The following PNPLA1 variants were observed in gnomAD, a reference collection of about 807,000 sequenced individuals.
PNPLA1 encodes the protein omega-hydroxyceramide transacylase.
In PNPLA1, 36 loss-of-function variants were observed where a neutral mutation model predicts 51.7. That is an observed-to-expected ratio of 0.70 (90% CI 0.53 to 0.92). PNPLA1 has a LOEUF of 0.92. Among genes scored for constraint, PNPLA1 ranks in the 40% least tolerant of loss-of-function variants. The pLI, the probability that PNPLA1 is intolerant of heterozygous loss-of-function variation, is 0.00. For missense variants in PNPLA1, 658 were observed against 682.5 expected (o/e 0.96, Z 0.40); for synonymous variants, 293 against 280.1 (o/e 1.05, Z -0.46).
intron 1 of PNPLA1, among the ~76,000 whole-genome samples, chr6:36,250,993 C>T (rs112931960): frequency 0.029 from 4,350 of 152,228 alleles, 101 homozygotes; most frequent in African/African-American, 0.061. Context: ...TGAGCCACAG[C>T]GCCCGGCCTG....
At position 36,270,355 on chromosome 6, in the gene PNPLA1, A is replaced by G. The variant is rs555216797; in HGVS notation, c.-105A>G. 128 of 1,180,622 alleles carry G rather than the reference A, an allele frequency of 1.1e-4. No homozygotes were observed. The African/African-American group carries it at 1.8e-3, about 16-fold the overall frequency. The allele number at this position is 1,180,622 out of a possible 1,614,324, so 73.1% of individuals were successfully genotyped here. ...GCCACATTCCAAGCTCCGGGGTGGC[A>G]GGGAAGCTGGGTAGGGAGTTCCTAC... On this transcript the variant is annotated 5_prime_UTR_variant, in exon 1 of 9. Transcript: ENST00000636260.
intron 1 of PNPLA1, among the ~76,000 whole-genome samples, chr6:36,272,080 T>A (rs1380902226): frequency 1.3e-5 from 2 of 152,234 alleles, no homozygotes; most frequent in African/African-American, 4.8e-5. Context: ...TTCAGAATGA[T>A]TCAAGCGCAT....
intron 5 of PNPLA1, among the ~76,000 whole-genome samples, chr6:36,301,102 C>T (rs1018174787): frequency 2.0e-4 from 25 of 125,100 alleles, no homozygotes; most frequent in Non-Finnish European, 3.4e-4. Flanking sequence ...CCTAGATAAA[C>T]GCCATCCCCC....
intron 3 of PNPLA1, among the ~76,000 whole-genome samples, chr6:36,293,912 G>C (rs1002762570): frequency 2.0e-5 from 3 of 152,166 alleles, no homozygotes; most frequent in Non-Finnish European, 4.4e-5. Flanking sequence ...AGCCCTGGGA[G>C]CCCCAGTCTC....
At chr6:36,281,492 C>T (rs1410269402) in intron 1 of PNPLA1, among the ~76,000 whole-genome samples, 2 of 152,220 alleles carry the variant, frequency 1.3e-5, no homozygotes, top group Non-Finnish European at 2.9e-5. Context: ...AATCCCCTCA[C>T]AACCCTATGA....
At position 36,294,201 on chromosome 6, in the gene PNPLA1, T is replaced by C. The variant is rs763528196; in HGVS notation, c.516T>C (p.Asp172=). 1 of 1,614,084 alleles carries C rather than the reference T, an allele frequency of 6.2e-7. No individual in the cohort carries two copies. The highest frequency in any genetic ancestry group is 1.7e-5 in the Admixed American group (1 of 60,024). ...CTCTGCCCCCACAGAGGTACATCGA[T>C]GGGGGCTTCACGGGCATGCAGCCCT... is the stretch of plus-strand genomic sequence containing the variant. ...PPTYRGVRYI[D]GGFTGMQPCA... is the part of the protein sequence containing the mutation. Residue 172 remains aspartate, a synonymous_variant, in exon 4 of 9, where the codon GAT becomes GAC. Transcript: ENST00000636260. The surrounding 1 kb of genome is among the most constrained non-coding windows in gnomAD (Gnocchi z 4.2).
intron 2 of PNPLA1, 31 bp downstream of exon 2, chr6:36,291,583 C>CAGG: frequency 5.6e-5 from 3 of 53,504 alleles, no homozygotes; most frequent in East Asian, 3.4e-4. Context: ...GGGAGGGACA[C>CAGG]GGAGGGGGCG....
intron 1 of PNPLA1, among the ~76,000 whole-genome samples, chr6:36,276,439 A>G (rs976304921): frequency 1.3e-5 from 2 of 152,158 alleles, no homozygotes; most frequent in African/African-American, 4.8e-5. Context: ...ATGTTGTAAA[A>G]GCACTTAACA....
chr6:36,298,628 A>G (rs1770931637), intron 5 of PNPLA1, among the ~76,000 whole-genome samples: 2 of 152,156 alleles, frequency 1.3e-5, no homozygotes, highest in Non-Finnish European at 1.5e-5. Context: ...TGACTACACT[A>G]GGTACTTCAT....
At chr6:36,292,288 C>T (rs140141086) in intron 2 of PNPLA1, among the ~76,000 whole-genome samples, 11 of 152,206 alleles carry the variant, frequency 7.2e-5, no homozygotes, top group South Asian at 2.1e-4. Flanking sequence ...CAGACACCAC[C>T]TCCGTCCCTC....
chr6:36,301,887 A>G lies in PNPLA1; in HGVS notation c.802A>G (p.Lys268Glu). The change falls in exon 6 of 9, where the codon AAG becomes GAG. Residue 268 changes from lysine to glutamate, a missense_variant. Coordinates refer to ENST00000636260, the MANE Select transcript of PNPLA1 (RefSeq NM_001374623.1). ...TGCTGTTTATCTTAATTCTTCCTCCAAGAGAGTGATTTTCCCCCGGGTGGA... is the reference window on the plus strand; with the variant it reads ...TGCTGTTTATCTTAATTCTTCCTCCGAGAGAGTGATTTTCCCCCGGGTGGA... ...LNAVYLNSSS[K>E]RVIFPRVEVY... The G allele has an allele frequency of 1.2e-6, 2 of 1,614,060 alleles. No homozygotes were observed. Among genetic ancestry groups the G allele is most frequent in the East Asian group, 2.2e-5 (1 of 44,878 alleles).
Position 36,313,106 on chromosome 6 carries a change from G to A in PNPLA1, c.*1220G>A, listed in dbSNP as rs948358146. On this transcript the variant is annotated 3_prime_UTR_variant, in exon 9 of 9. Transcript: ENST00000636260. ...ATTGAGATCTTTAGAGCTCCCCCGG[G>A]ATTATGTGGTGCTGTGGTGTTGAGA... Among the ~76,000 whole-genome samples, 4 of 152,196 alleles carry A rather than the reference G, an allele frequency of 2.6e-5. No homozygotes were observed. Among genetic ancestry groups the A allele is most frequent in the African/African-American group, 7.2e-5 (3 of 41,458 alleles).
At chr6:36,243,433 G>C (rs1478415711) in intron 1 of PNPLA1, among the ~76,000 whole-genome samples, 1 of 152,168 alleles carries the variant, frequency 6.6e-6, no homozygotes, top group Non-Finnish European at 1.5e-5. Context: ...GATTGTAAAG[G>C]GTGAGGGACC....
At chr6:36,264,542 A>T in intron 1 of PNPLA1, among the ~76,000 whole-genome samples, 1 of 152,150 alleles carries the variant, frequency 6.6e-6, no homozygotes, top group East Asian at 1.9e-4. Context: ...GAGTCCCTTC[A>T]ACCTGGAACA....
At chr6:36,286,852 T>A (rs918201679) in intron 1 of PNPLA1, among the ~76,000 whole-genome samples, 19 of 124,922 alleles carry the variant, frequency 1.5e-4, no homozygotes, top group African/African-American at 8.0e-4. Flanking sequence ...CTAATTTAAA[T>A]TTTTTTTTTT....
intron 1 of PNPLA1, among the ~76,000 whole-genome samples, chr6:36,285,003 C>A (rs951555353): frequency 2.4e-4 from 37 of 152,176 alleles, no homozygotes; most frequent in African/African-American, 8.9e-4. Flanking sequence ...AGGGTCACTG[C>A]TCCTCGGAGG....
At chr6:36,277,013 C>T (rs1465681141) in intron 1 of PNPLA1, among the ~76,000 whole-genome samples, 1 of 152,202 alleles carries the variant, frequency 6.6e-6, no homozygotes, top group Non-Finnish European at 1.5e-5. Context: ...TGGAAGGCCT[C>T]ATAGAAGCGG....
chr6:36,266,704 C>T (rs1227245327), upstream of PNPLA1, among the ~76,000 whole-genome samples: 1 of 152,252 alleles, frequency 6.6e-6, no homozygotes, highest in African/African-American at 2.4e-5. Flanking sequence ...GCAACAGTCT[C>T]TGCCAGCCTC....
intron 6 of PNPLA1, among the ~76,000 whole-genome samples, chr6:36,303,431 G>C (rs188490986): frequency 2.0e-5 from 3 of 152,136 alleles, no homozygotes; most frequent in Non-Finnish European, 4.4e-5. Flanking sequence ...TACTACAGAC[G>C]GTTTCAGAAG....
Sources: allele counts gnomAD v4.1 joint callset (sites outside exome capture counted in the v4.1 genomes callset), GRCh38; gene constraint gnomAD v4.1.1; non-coding constraint Gnocchi (gnomAD v3.1); transcripts MANE v1.5; gene names NCBI Gene and HGNC (gene_info 2026-07-23, HGNC 2026-07-21).